The following USP26 variants were observed in gnomAD, a reference collection of about 807,000 sequenced individuals.
USP26 encodes ubiquitin carboxyl-terminal hydrolase 26.
For synonymous variants in USP26, 236 were observed against 240.6 expected (o/e 0.98, Z 0.18); for missense variants, 649 against 642.3 (o/e 1.01, Z -0.11).
chrX:133,096,931 A>T (rs2067633085), intron 1 of USP26, 99 bp downstream of exon 1: 1 of 112,585 alleles, frequency 8.9e-6, no homozygotes, highest in Non-Finnish European at 1.9e-5. Context: ...AAGAAAAGAA[A>T]AAGTATACTA....
intron 5 of USP26, among the ~76,000 whole-genome samples, chrX:133,072,835 GC>G (rs2067534984): frequency 8.9e-6 from 1 of 112,020 alleles, no homozygotes; most frequent in Non-Finnish European, 1.9e-5. Flanking sequence ...CCCTTTCATA[GC>G]ACTTGACAGC....
intron 5 of USP26, among the ~76,000 whole-genome samples, chrX:133,041,747 G>A (rs759740066): frequency 6.4e-4 from 72 of 112,430 alleles, no homozygotes; most frequent in African/African-American, 2.2e-3. Flanking sequence ...CCCTTTGTCA[G>A]GATCCACTGC....
chrX:133,081,992 T>C, intron 5 of USP26, among the ~76,000 whole-genome samples: 1 of 112,082 alleles, frequency 8.9e-6, no homozygotes, highest in East Asian at 2.8e-4. Flanking sequence ...TATATACATG[T>C]TCTTCCATAT....
rs1433687274 is a variant in USP26 at position 133,036,428 on chromosome X, G to A, written c.-76-8132C>T. 6.3e-5 allele frequency among the ~76,000 whole-genome samples: 7 copies of A among 111,018 alleles called. No individual in the cohort carries two copies. The South Asian group carries it at 1.2e-3, about 18-fold the overall frequency. Reference sequence around the variant, plus strand: ...CCACTTATGAGTGAGAACATGCGGTGTTTGGTTTTCTGTTCCTGTGTTAGT... The same window carrying A: ...CCACTTATGAGTGAGAACATGCGGTATTTGGTTTTCTGTTCCTGTGTTAGT... On this transcript the variant is annotated intron_variant, in intron 5 of 5. Coordinates refer to ENST00000511190, the MANE Select transcript of USP26 (RefSeq NM_031907.3).
chrX:133,043,389 A>G (rs958175714), intron 5 of USP26, among the ~76,000 whole-genome samples: 6 of 112,138 alleles, frequency 5.4e-5, no homozygotes, highest in African/African-American at 1.9e-4. Flanking sequence ...CTTAGTTTGG[A>G]CTTTCTGTCC....
chrX:133,027,320 C>T lies in USP26; in HGVS notation c.901G>A (p.Gly301Arg), dbSNP rs1309728249. 1 of 1,210,067 alleles carries T rather than the reference C, an allele frequency of 8.3e-7. No homozygotes were observed. The highest frequency in any genetic ancestry group is 1.8e-5 in the South Asian group (1 of 56,907). The change falls in exon 6 of 6, where the codon GGA becomes AGA. Residue 301 changes from glycine to arginine, a missense_variant. Physicochemically the swap from Gly to Arg is moderately radical, Grantham distance 125. Coordinates refer to ENST00000511190, the MANE Select transcript of USP26 (RefSeq NM_031907.3). Reference protein sequence around the residue: ...EKICHGLPNLGNTCYMNAVLQ... With the variant: ...EKICHGLPNLRNTCYMNAVLQ... The stretch of plus-strand genomic sequence containing the variant: ...ACTGCATTCATATAACAGGTGTTTC[C>T]CAAATTGGGGAGGCCGTGGCATATT...
At chrX:133,038,287 A>T (rs2067403528) in intron 5 of USP26, among the ~76,000 whole-genome samples, 1 of 111,376 alleles carries the variant, frequency 9.0e-6, no homozygotes, top group African/African-American at 3.3e-5. Flanking sequence ...TCAGTATGAT[A>T]TTGGCTATGG....
chrX:133,083,029 G>GTA (rs1322535157), intron 5 of USP26, among the ~76,000 whole-genome samples: 2 of 111,140 alleles, frequency 1.8e-5, no homozygotes, highest in African/African-American at 6.6e-5. Context: ...TCTACTCTGG[G>GTA]TATATATATA....
intron 5 of USP26, among the ~76,000 whole-genome samples, chrX:133,069,296 G>A (rs2067523011): frequency 8.9e-6 from 1 of 111,807 alleles, no homozygotes; most frequent in Admixed American, 9.6e-5. Context: ...ACGACAGAGA[G>A]GAAAGGAAAA....
At chrX:133,078,729 C>G (rs1377641410) in intron 5 of USP26, among the ~76,000 whole-genome samples, 3 of 112,268 alleles carry the variant, frequency 2.7e-5, no homozygotes, top group African/African-American at 9.7e-5. Flanking sequence ...TACCTCCTTA[C>G]AGCTCACTGT....
chrX:133,050,100 C>T (rs1298497170), intron 5 of USP26, among the ~76,000 whole-genome samples: 4 of 112,266 alleles, frequency 3.6e-5, no homozygotes, highest in African/African-American at 1.3e-4. Context: ...CGTCTTTTGT[C>T]CCCCTCACCA....
chrX:133,038,166 G>A (rs878954709), intron 5 of USP26, among the ~76,000 whole-genome samples: 1 of 111,223 alleles, frequency 9.0e-6, no homozygotes, highest in Non-Finnish European at 1.9e-5. Context: ...TCTTTCTCTT[G>A]CCTGATTGCT....
chrX:133,049,363 T>C (rs1483325188), intron 5 of USP26, among the ~76,000 whole-genome samples: 1 of 112,043 alleles, frequency 8.9e-6, no homozygotes, highest in Non-Finnish European at 1.9e-5. Context: ...TATCAGTACA[T>C]AGACTGTCAA....
intron 5 of USP26, among the ~76,000 whole-genome samples, chrX:133,049,827 T>C (rs1266980277): frequency 8.9e-6 from 1 of 112,132 alleles, no homozygotes; most frequent in Non-Finnish European, 1.9e-5. Context: ...CTTTCACCTC[T>C]AGCTATAGCC....
rs1282094147 is a variant in USP26, at chrX:133,027,059, C to A, written c.1162G>T (p.Ala388Ser). Residue 388 changes from alanine to serine, a missense_variant, in exon 6 of 6, where the codon GCT becomes TCT. Ala to Ser is a moderately conservative substitution (Grantham distance 99). Coordinates refer to ENST00000511190, the MANE Select transcript of USP26 (RefSeq NM_031907.3). The part of the protein sequence containing the change: ...NAQNDAHEFL[A>S]HCLDQLKDNM... ...TCTTTCAGTTGATCTAAACAGTGAG[C>A]TAAAAACTCATGAGCATCGTTCTGT... 8.3e-7 allele frequency: 1 copy of A among 1,211,444 alleles called. No homozygotes were observed. The highest frequency in any genetic ancestry group is 1.1e-6 in the Non-Finnish European group (1 of 895,320).
At chrX:133,065,803 T>C (rs1441083067) in intron 5 of USP26, among the ~76,000 whole-genome samples, 1 of 112,141 alleles carries the variant, frequency 8.9e-6, no homozygotes, top group Admixed American at 9.5e-5. Context: ...GCATTCCCTT[T>C]GAAACTGGCA....
chrX:133,092,374 A>AGTT, intron 1 of USP26, among the ~76,000 whole-genome samples: 1 of 112,095 alleles, frequency 8.9e-6, no homozygotes, highest in East Asian at 2.8e-4. Context: ...CGGAGGTTTG[A>AGTT]GTTGTTCACC....
intron 4 of USP26, among the ~76,000 whole-genome samples, chrX:133,083,975 G>C (rs1211203362): frequency 9.0e-6 from 1 of 111,537 alleles, no homozygotes; most frequent in Non-Finnish European, 1.9e-5. Context: ...AAGGAGAGCA[G>C]AGCCTCTATC....
intron 5 of USP26, among the ~76,000 whole-genome samples, chrX:133,052,565 A>G (rs2067462867): frequency 8.9e-6 from 1 of 112,371 alleles, no homozygotes; most frequent in African/African-American, 3.2e-5. Flanking sequence ...GAAAACATCA[A>G]CTTGATTGTC....
Sources: allele counts gnomAD v4.1 joint callset (sites outside exome capture counted in the v4.1 genomes callset), GRCh38; gene constraint gnomAD v4.1.1; transcripts MANE v1.5; gene names NCBI Gene and HGNC (gene_info 2026-07-23, HGNC 2026-07-21).